SNX29: variants seen among roughly 807,000 people sequenced by gnomAD.
SNX29 encodes sorting nexin 29, also known as sorting nexin-29.
Under a neutral mutation model 102.1 loss-of-function variants are expected in SNX29, and 78 were observed. The observed-to-expected ratio is 0.76, with a 90% confidence interval of 0.64 to 0.92. The LOEUF (loss-of-function observed/expected upper bound fraction) is 0.92. Ranked by LOEUF, SNX29 falls within the 40% of genes least tolerant of loss-of-function variation. The pLI is 0.00. For synonymous variants in SNX29, 580 were observed against 414.5 expected, an observed-to-expected ratio of 1.40 and a Z score of -4.85; for missense variants, 1,280 against 1,061.7, an observed-to-expected ratio of 1.21 and a Z score of -2.86.
chr16:12,560,708 C>T (rs191206721), intron 20 of SNX29: 96 of 164,118 alleles, frequency 5.8e-4, no homozygotes, highest in African/African-American at 2.2e-3. Context: ...ACTCTGGGCT[C>T]AGAGTGCACA....
chr16:12,105,203 TCCTC>T (rs55784743), intron 11 of SNX29, among the ~76,000 whole-genome samples: 1,626 of 143,150 alleles, frequency 0.011, 24 homozygotes, highest in African/African-American at 0.036. Flanking sequence ...CTTCCTCCCT[TCCTC>T]CCTCCCTCCC....
At chr16:12,317,724 T>C (rs928516343) in intron 15 of SNX29, among the ~76,000 whole-genome samples, 2 of 152,198 alleles carry the variant, frequency 1.3e-5, no homozygotes, top group African/African-American at 4.8e-5. Flanking sequence ...ACACAAGCTG[T>C]GAAATGAGTG....
At chr16:12,175,694 A>G (rs547811570) in intron 13 of SNX29, among the ~76,000 whole-genome samples, 10 of 151,532 alleles carry the variant, frequency 6.6e-5, no homozygotes, top group African/African-American at 2.4e-4. Flanking sequence ...GATAGGACCG[A>G]TACCCTTATA....
At chr16:12,472,990 G>A (rs961232617) in intron 18 of SNX29, among the ~76,000 whole-genome samples, 1 of 152,082 alleles carries the variant, frequency 6.6e-6, no homozygotes, top group Admixed American at 6.6e-5. Flanking sequence ...AGGAAACTTG[G>A]TTGTGTCAGA....
At chr16:12,542,925 C>G (rs539227617) in intron 20 of SNX29, among the ~76,000 whole-genome samples, 3 of 152,120 alleles carry the variant, frequency 2.0e-5, no homozygotes, top group South Asian at 2.1e-4. Context: ...CTTAGCAAAA[C>G]TATAGAGCCC....
intron 14 of SNX29, among the ~76,000 whole-genome samples, chr16:12,236,188 G>A (rs1188497759): frequency 6.6e-6 from 1 of 152,010 alleles, no homozygotes; most frequent in African/African-American, 2.4e-5. Context: ...ATCCACTGTT[G>A]CCCCAACAGT....
intron 15 of SNX29, among the ~76,000 whole-genome samples, chr16:12,306,599 C>T (rs1037064439): frequency 1.3e-5 from 2 of 152,166 alleles, no homozygotes; most frequent in African/African-American, 4.8e-5. Flanking sequence ...GTCTTTGTAA[C>T]TACATTCCCT....
At position 12,043,054 on chromosome 16, in the gene SNX29, C is replaced by T. The variant is rs1340292667; in HGVS notation, c.405C>T (p.Leu135=). The change falls in exon 5 of 21, where the codon CTC becomes CTT. Residue 135 remains leucine, a synonymous_variant. Coordinates refer to ENST00000566228, the MANE Select transcript of SNX29 (RefSeq NM_032167.5). The part of the protein sequence containing the change: ...EHSLERYLHM[L]LADRCRLSTF... ...CCCTGGAGCGCTACCTGCACATGCT[C>T]CTGGCCGACCGCTGCAGGCTGAGGT... The T allele has an allele frequency of 7.4e-6, 12 of 1,613,404 alleles. No individual in the cohort carries two copies. Among genetic ancestry groups the T allele is most frequent in the Non-Finnish European group, 9.3e-6 (11 of 1,179,854 alleles).
At chr16:12,054,439 A>G (rs892040118) in intron 8 of SNX29, among the ~76,000 whole-genome samples, 2 of 152,146 alleles carry the variant, frequency 1.3e-5, no homozygotes, top group East Asian at 3.9e-4. Context: ...GAATTGGTGG[A>G]CTCAGTAAAG....
intron 16 of SNX29, among the ~76,000 whole-genome samples, chr16:12,365,555 T>TG (rs977800277): frequency 6.7e-6 from 1 of 149,496 alleles, no homozygotes; most frequent in Non-Finnish European, 1.5e-5. Flanking sequence ...CCATGCATGG[T>TG]GGTGCGTGCC....
intron 11 of SNX29, among the ~76,000 whole-genome samples, chr16:12,101,254 T>G (rs1332058974): frequency 6.6e-6 from 1 of 151,714 alleles, no homozygotes; most frequent in Non-Finnish European, 1.5e-5. Flanking sequence ...CTGCATTATT[T>G]TCTTCTTCAT....
At chr16:12,348,324 AC>A (rs138359279) in intron 15 of SNX29, among the ~76,000 whole-genome samples, 2,127 of 152,226 alleles carry the variant, frequency 0.014, 26 homozygotes, top group Admixed American at 0.024. Context: ...GAGAAGGCTT[AC>A]CCTAGCTGCT....
chr16:12,262,568 C>T (rs978602314), intron 14 of SNX29, among the ~76,000 whole-genome samples: 11 of 152,260 alleles, frequency 7.2e-5, no homozygotes, highest in East Asian at 3.9e-4. Flanking sequence ...CTGTGTACAC[C>T]GGCGGGATGA....
chr16:12,314,998 C>T (rs184982486), intron 15 of SNX29, among the ~76,000 whole-genome samples: 230 of 152,328 alleles, frequency 1.5e-3, no homozygotes, highest in Admixed American at 2.5e-3. Context: ...CAAAATTGCT[C>T]TAGGGCTGGC....
At chr16:12,281,960 T>C (rs2079444595) in intron 15 of SNX29, among the ~76,000 whole-genome samples, 1 of 151,572 alleles carries the variant, frequency 6.6e-6, no homozygotes, top group Non-Finnish European at 1.5e-5. Flanking sequence ...GGCATATGTC[T>C]ATAGTCCCCA....
intron 17 of SNX29, among the ~76,000 whole-genome samples, chr16:12,399,927 G>C (rs1233036224): frequency 2.0e-5 from 3 of 152,162 alleles, no homozygotes; most frequent in African/African-American, 2.4e-5. Flanking sequence ...GAGAGCCACA[G>C]AGGGGAGTCC....
intron 15 of SNX29, among the ~76,000 whole-genome samples, chr16:12,340,354 T>C (rs2081575449): frequency 6.6e-6 from 1 of 152,224 alleles, no homozygotes; most frequent in South Asian, 2.1e-4. Flanking sequence ...ATAAAGACAA[T>C]GTTCCTCAGT....
chr16:12,434,296 G>A (rs930961716), intron 18 of SNX29, among the ~76,000 whole-genome samples: 2 of 152,140 alleles, frequency 1.3e-5, no homozygotes, highest in Non-Finnish European at 2.9e-5. Context: ...AGCTCTCAGT[G>A]GCTGTTTTTG....
intron 15 of SNX29, among the ~76,000 whole-genome samples, chr16:12,342,517 C>A (rs561844553): frequency 6.6e-6 from 1 of 152,292 alleles, no homozygotes; most frequent in South Asian, 2.1e-4. Flanking sequence ...TCTCGTCTTT[C>A]CATTGTAATG....
Sources: allele counts gnomAD v4.1 joint callset (sites outside exome capture counted in the v4.1 genomes callset), GRCh38; gene constraint gnomAD v4.1.1; transcripts MANE v1.5; gene names NCBI Gene and HGNC (gene_info 2026-07-23, HGNC 2026-07-21).